The following IKZF2 variants were observed in gnomAD, a reference collection of about 807,000 sequenced individuals.
The protein encoded by IKZF2 is IKAROS family zinc finger 2.
In IKZF2, 15 loss-of-function variants were observed where a neutral mutation model predicts 49.2. The ratio of observed to expected loss-of-function variants is 0.30; its 90% CI spans 0.20 to 0.47. The LOEUF (loss-of-function observed/expected upper bound fraction) is 0.47, where lower values mean the gene tolerates loss of function less well. Among genes scored for constraint, IKZF2 ranks in the 20% least tolerant of loss-of-function variants. IKZF2 has a pLI of 1.00. For synonymous variants in IKZF2, 227 were observed against 221.4 expected (o/e 1.03, Z -0.23); for missense variants, 567 against 664.6 (o/e 0.85, Z 1.61).
intron 6 of IKZF2, among the ~76,000 whole-genome samples, chr2:213,046,014 T>G (rs986277987): frequency 2.0e-5 from 3 of 152,184 alleles, no homozygotes; most frequent in Admixed American, 2.0e-4. Context: ...AGATGCTGTA[T>G]GACATCTCTG....
intron 7 of IKZF2, chr2:213,014,982 T>C (rs1289093493): frequency 2.6e-5 from 4 of 152,038 alleles, no homozygotes; most frequent in African/African-American, 4.8e-5. Flanking sequence ...TGATTTACTC[T>C]GATCCTTTCA....
At chr2:213,010,424 C>T (rs1695820330) in intron 8 of IKZF2, among the ~76,000 whole-genome samples, 1 of 152,048 alleles carries the variant, frequency 6.6e-6, no homozygotes. Context: ...GGCCTTTCTT[C>T]TCAGGAAATG....
At chr2:213,076,453 CG>C (rs1559241110) in intron 4 of IKZF2, among the ~76,000 whole-genome samples, 1 of 151,560 alleles carries the variant, frequency 6.6e-6, no homozygotes, top group African/African-American at 2.4e-5. Flanking sequence ...TGGTGGTTTG[CG>C]ATACAGTTAT....
intron 4 of IKZF2, among the ~76,000 whole-genome samples, chr2:213,107,535 C>A (rs991965805): frequency 2.0e-5 from 3 of 152,168 alleles, no homozygotes; most frequent in Admixed American, 1.3e-4. Flanking sequence ...GTAGCGAGAA[C>A]CTGACTGGCA....
At chr2:213,059,188 T>G (rs1361613132) in intron 4 of IKZF2, among the ~76,000 whole-genome samples, 1 of 151,790 alleles carries the variant, frequency 6.6e-6, no homozygotes, top group East Asian at 1.9e-4. Flanking sequence ...TTATCAAAGT[T>G]GTCTGCCCAT....
chr2:213,129,123 G>C (rs187605614), intron 4 of IKZF2, among the ~76,000 whole-genome samples: 7 of 152,010 alleles, frequency 4.6e-5, no homozygotes. Flanking sequence ...AGAACAAGGA[G>C]TCAGTTCATC....
At chr2:213,032,689 T>C (rs994552708) in intron 6 of IKZF2, among the ~76,000 whole-genome samples, 1 of 152,188 alleles carries the variant, frequency 6.6e-6, no homozygotes, top group African/African-American at 2.4e-5. Context: ...CAGTCAAGGC[T>C]ACAGTCAGTT....
At chr2:213,109,414 T>C (rs190250311) in intron 4 of IKZF2, among the ~76,000 whole-genome samples, 15 of 152,066 alleles carry the variant, frequency 9.9e-5, no homozygotes, top group African/African-American at 3.4e-4. Flanking sequence ...GATGCTTGCA[T>C]TGAAGATACT....
At chr2:213,132,053 T>G (rs73987812) in intron 4 of IKZF2, among the ~76,000 whole-genome samples, 88 of 152,304 alleles carry the variant, frequency 5.8e-4, no homozygotes, top group African/African-American at 2.0e-3. Context: ...AAAGCTTTAC[T>G]AAGTTTATTA....
intron 4 of IKZF2, among the ~76,000 whole-genome samples, chr2:213,099,323 A>T (rs1323978734): frequency 6.6e-6 from 1 of 152,218 alleles, no homozygotes; most frequent in Non-Finnish European, 1.5e-5. Context: ...GTATCTATGT[A>T]CATATGAAGA....
intron 4 of IKZF2, among the ~76,000 whole-genome samples, chr2:213,115,947 C>T (rs915763357): frequency 2.6e-5 from 4 of 151,566 alleles, no homozygotes; most frequent in Non-Finnish European, 4.4e-5. Flanking sequence ...TCAGAGCTTT[C>T]TTATTTTGTG....
At chr2:213,070,936 T>C (rs1702633083) in intron 4 of IKZF2, among the ~76,000 whole-genome samples, 1 of 152,134 alleles carries the variant, frequency 6.6e-6, no homozygotes, top group African/African-American at 2.4e-5. Context: ...AAGGAACAAA[T>C]GAACAGAGAG....
intron 4 of IKZF2, among the ~76,000 whole-genome samples, chr2:213,110,299 C>G (rs765842856): frequency 4.9e-4 from 75 of 151,994 alleles, no homozygotes; most frequent in South Asian, 3.1e-3. Flanking sequence ...AGCCCCTCAT[C>G]TGCTCAGCTG....
At chr2:213,080,567 T>C (rs554904299) in intron 4 of IKZF2, among the ~76,000 whole-genome samples, 8 of 152,234 alleles carry the variant, frequency 5.3e-5, no homozygotes, top group Non-Finnish European at 1.0e-4. Flanking sequence ...GTAAGAGACA[T>C]GGGTAAAATG....
intron 4 of IKZF2, among the ~76,000 whole-genome samples, chr2:213,126,365 A>C (rs58845906): frequency 0.013 from 1,978 of 152,268 alleles, 41 homozygotes; most frequent in African/African-American, 0.046. Context: ...GAGTAGGGTC[A>C]ATGCTGCCTT....
intron 7 of IKZF2, among the ~76,000 whole-genome samples, chr2:213,019,304 C>G (rs766334402): frequency 6.6e-6 from 1 of 151,966 alleles, no homozygotes; most frequent in African/African-American, 2.4e-5. Context: ...ATATCTACCA[C>G]AAAAAAGGAA....
At chr2:213,107,719 AAAC>A (rs773342794) in intron 4 of IKZF2, among the ~76,000 whole-genome samples, 9 of 152,228 alleles carry the variant, frequency 5.9e-5, no homozygotes, top group Non-Finnish European at 1.3e-4. Flanking sequence ...GAGGAAAAAC[AAAC>A]AACACACATA....
intron 4 of IKZF2, among the ~76,000 whole-genome samples, chr2:213,066,446 T>C (rs906808058): frequency 2.0e-5 from 3 of 152,106 alleles, no homozygotes; most frequent in Non-Finnish European, 4.4e-5. Flanking sequence ...CCCTGGGTCA[T>C]ACACATTGAC....
intron 6 of IKZF2, among the ~76,000 whole-genome samples, chr2:213,040,332 C>T (rs1350421481): frequency 6.6e-6 from 1 of 151,366 alleles, no homozygotes; most frequent in Non-Finnish European, 1.5e-5. Context: ...TCTCCTTCGT[C>T]CCACCCTCTA....
Sources: allele counts gnomAD v4.1 joint callset (sites outside exome capture counted in the v4.1 genomes callset), GRCh38; gene constraint gnomAD v4.1.1; transcripts MANE v1.5; gene names NCBI Gene and HGNC (gene_info 2026-07-23, HGNC 2026-07-21).